The following DPP10 variants were observed in gnomAD, a reference collection of about 807,000 sequenced individuals.
The protein encoded by DPP10 is dipeptidyl peptidase like 10.
In DPP10, 33 loss-of-function variants were observed where a neutral mutation model predicts 120.9. That is an observed-to-expected ratio of 0.27 (90% confidence interval 0.21 to 0.37). The LOEUF is 0.37. DPP10 is among the 10% of genes least tolerant of loss of function. DPP10 has a pLI of 1.00. For synonymous variants in DPP10, 337 were observed against 326.1 expected, an observed-to-expected ratio of 1.03 and a Z score of -0.36; for missense variants, 816 against 942.8, an observed-to-expected ratio of 0.87 and a Z score of 1.76.
intron 1 of DPP10, among the ~76,000 whole-genome samples, chr2:114,609,272 A>G (rs983525522): frequency 1.1e-4 from 16 of 152,308 alleles, no homozygotes; most frequent in East Asian, 5.8e-4. Flanking sequence ...TGTATAATCT[A>G]TATCTCAGAA....
intron 3 of DPP10, among the ~76,000 whole-genome samples, chr2:115,423,210 A>G (rs2070140611): frequency 6.6e-6 from 1 of 152,102 alleles, no homozygotes; most frequent in Admixed American, 6.6e-5. Flanking sequence ...AATATATAAG[A>G]ATGACCCATG....
intron 1 of DPP10, among the ~76,000 whole-genome samples, chr2:114,769,089 A>G (rs774291694): frequency 6.6e-6 from 1 of 152,184 alleles, no homozygotes; most frequent in Non-Finnish European, 1.5e-5. Context: ...GAATGCATTG[A>G]CAGCATAAAT....
At chr2:115,609,997 T>C (rs2083982471) in intron 5 of DPP10, among the ~76,000 whole-genome samples, 1 of 152,170 alleles carries the variant, frequency 6.6e-6, no homozygotes, top group South Asian at 2.1e-4. Context: ...TTCAAACGTT[T>C]TGTAGCTTAA....
chr2:115,067,350 C>G (rs1021820798), intron 1 of DPP10, among the ~76,000 whole-genome samples: 1 of 151,688 alleles, frequency 6.6e-6, no homozygotes, highest in African/African-American at 2.4e-5. Context: ...CTCCCGGGTT[C>G]CCGCCATTCT....
chr2:115,095,739 G>A (rs1006119089), intron 1 of DPP10, among the ~76,000 whole-genome samples: 4 of 151,850 alleles, frequency 2.6e-5, no homozygotes, highest in African/African-American at 9.7e-5. Context: ...ATGAGCAATG[G>A]AAATAAATTA....
chr2:115,142,215 C>G (rs144372667), intron 1 of DPP10, among the ~76,000 whole-genome samples: 259 of 152,286 alleles, frequency 1.7e-3, no homozygotes, highest in African/African-American at 5.9e-3. Flanking sequence ...GTTTAATATT[C>G]AACTGCCTAT....
intron 5 of DPP10, among the ~76,000 whole-genome samples, chr2:115,662,556 C>T (rs981676989): frequency 6.6e-6 from 1 of 151,762 alleles, no homozygotes; most frequent in Non-Finnish European, 1.5e-5. Context: ...AACTAATCAT[C>T]AGGAAAATGC....
At chr2:115,147,181 G>A (rs988098003) in intron 1 of DPP10, among the ~76,000 whole-genome samples, 4 of 150,756 alleles carry the variant, frequency 2.7e-5, no homozygotes, top group African/African-American at 9.7e-5. Context: ...TATAGTGTGT[G>A]TATATATATA....
At chr2:115,658,622 T>A (rs1246593024) in intron 5 of DPP10, among the ~76,000 whole-genome samples, 1 of 152,138 alleles carries the variant, frequency 6.6e-6, no homozygotes, top group African/African-American at 2.4e-5. Flanking sequence ...ACCTTGTCAT[T>A]CAACTTGGGT....
At position 115,044,099 on chromosome 2, in the gene DPP10, T is replaced by G. The variant is rs139975959; in HGVS notation, c.61-265140T>G. The stretch of plus-strand genomic sequence containing the variant: ...AAATGTATACTACATTTTTGTTGAC[T>G]GTAATCACTCTGTGTATTAGGCCGT... On this transcript the variant is annotated intron_variant, in intron 1 of 25. Coordinates refer to ENST00000410059, the MANE Select transcript of DPP10 (RefSeq NM_020868.6). Among the ~76,000 whole-genome samples, 529 of 152,312 alleles carry G rather than the reference T, an allele frequency of 3.5e-3. 3 individuals carry two copies. The highest frequency in any genetic ancestry group is 0.012 in the African/African-American group (507 of 41,574).
chr2:115,776,108 G>T (rs942067858), intron 13 of DPP10, among the ~76,000 whole-genome samples: 1 of 152,076 alleles, frequency 6.6e-6, no homozygotes, highest in Non-Finnish European at 1.5e-5. Context: ...GAGTGAAGTA[G>T]CTTGAGTATA....
At chr2:115,454,320 A>G (rs2073353024) in intron 3 of DPP10, among the ~76,000 whole-genome samples, 1 of 151,726 alleles carries the variant, frequency 6.6e-6, no homozygotes, top group African/African-American at 2.4e-5. Context: ...ATAAATGTAG[A>G]GGCGGAAGTC....
At chr2:114,650,836 C>G (rs1357578584) in intron 1 of DPP10, among the ~76,000 whole-genome samples, 2 of 152,158 alleles carry the variant, frequency 1.3e-5, no homozygotes, top group Non-Finnish European at 2.9e-5. Context: ...ATTAAGGATT[C>G]CATTGAAGAT....
intron 1 of DPP10, among the ~76,000 whole-genome samples, chr2:114,944,095 AAT>A (rs2104593345): frequency 6.6e-6 from 1 of 152,248 alleles, no homozygotes; most frequent in Non-Finnish European, 1.5e-5. Context: ...CTTTATGTGT[AAT>A]AGTTTTTCAG....
At chr2:115,207,389 T>TG in intron 1 of DPP10, among the ~76,000 whole-genome samples, 1 of 136,572 alleles carries the variant, frequency 7.3e-6, no homozygotes, top group East Asian at 2.2e-4. Flanking sequence ...TAATGACTTG[T>TG]GGGTTTTTAA....
intron 7 of DPP10, among the ~76,000 whole-genome samples, chr2:115,716,215 A>G (rs978184102): frequency 9.9e-5 from 15 of 152,256 alleles, no homozygotes; most frequent in Non-Finnish European, 1.6e-4. Context: ...TGGAAAATGC[A>G]GTTAGAACTG....
At chr2:114,836,968 T>G (rs1374405988) in intron 1 of DPP10, among the ~76,000 whole-genome samples, 6 of 152,248 alleles carry the variant, frequency 3.9e-5, no homozygotes. Context: ...TTATCTCTCT[T>G]GTTCCCTGAA....
intron 3 of DPP10, among the ~76,000 whole-genome samples, chr2:115,370,819 G>T (rs1232464034): frequency 6.6e-6 from 1 of 151,970 alleles, no homozygotes; most frequent in Non-Finnish European, 1.5e-5. Flanking sequence ...TAGGTTTGGG[G>T]TACGCGTTAA....
intron 1 of DPP10, among the ~76,000 whole-genome samples, chr2:114,690,340 G>C (rs1353375076): frequency 6.6e-6 from 1 of 151,904 alleles, no homozygotes; most frequent in Non-Finnish European, 1.5e-5. Flanking sequence ...TAAATGGGGA[G>C]TCCTTTCCCC....
Sources: allele counts gnomAD v4.1 joint callset (sites outside exome capture counted in the v4.1 genomes callset), GRCh38; gene constraint gnomAD v4.1.1; transcripts MANE v1.5; gene names NCBI Gene and HGNC (gene_info 2026-07-23, HGNC 2026-07-21).